The following TMC1 variants were observed in gnomAD, a reference collection of about 807,000 sequenced individuals.
TMC1 encodes the protein transmembrane channel-like protein 1.
TMC1 carries 84 observed loss-of-function variants against 105.8 expected under a neutral mutation model. That is an observed-to-expected ratio of 0.79 (90% confidence interval 0.67 to 0.95). The LOEUF (loss-of-function observed/expected upper bound fraction) is 0.95, where lower values mean the gene tolerates loss of function less well. Among genes scored for constraint, TMC1 ranks in the 40% least tolerant of loss-of-function variants. The pLI is 0.00. For missense variants in TMC1, 817 were observed against 914.1 expected, an observed-to-expected ratio of 0.89 and a Z score of 1.37; for synonymous variants, 315 against 311.5, an observed-to-expected ratio of 1.01 and a Z score of -0.12.
At chr9:72,611,719 A>G (rs1825027628) in intron 2 of TMC1, among the ~76,000 whole-genome samples, 1 of 152,146 alleles carries the variant, frequency 6.6e-6, no homozygotes, top group Admixed American at 6.5e-5. Flanking sequence ...TTGTTTTTAG[A>G]AAGGATACAA....
At chr9:72,738,698 A>G (rs1827340359) in intron 8 of TMC1, among the ~76,000 whole-genome samples, 1 of 152,102 alleles carries the variant, frequency 6.6e-6, no homozygotes, top group South Asian at 2.1e-4. Context: ...GATTACAGGT[A>G]TGAGCCACTG....
intron 4 of TMC1, among the ~76,000 whole-genome samples, chr9:72,640,490 G>GT (rs772882956): frequency 6.6e-6 from 1 of 152,130 alleles, no homozygotes; most frequent in Non-Finnish European, 1.5e-5. Flanking sequence ...GATAGGTATA[G>GT]TTATTCCAGT....
chr9:72,536,629 G>A (rs528521671), intron 1 of TMC1, among the ~76,000 whole-genome samples: 2 of 152,266 alleles, frequency 1.3e-5, no homozygotes, highest in African/African-American at 4.8e-5. Flanking sequence ...ACCGCGCCTG[G>A]CCAGACATTA....
chr9:72,748,682 C>T (rs567820584), intron 10 of TMC1, among the ~76,000 whole-genome samples: 11 of 152,194 alleles, frequency 7.2e-5, no homozygotes, highest in Middle Eastern at 3.4e-3. Context: ...TAGGATAGAA[C>T]CACTAGATAA....
intron 5 of TMC1, among the ~76,000 whole-genome samples, chr9:72,657,191 C>T (rs1343698986): frequency 6.6e-6 from 1 of 152,214 alleles, no homozygotes; most frequent in African/African-American, 2.4e-5. Context: ...ACTATGTCTC[C>T]TCAACTCAGT....
chr9:72,723,335 T>C (rs913199686), intron 8 of TMC1, among the ~76,000 whole-genome samples: 1 of 152,226 alleles, frequency 6.6e-6, no homozygotes, highest in Non-Finnish European at 1.5e-5. Flanking sequence ...AATTTTATCA[T>C]AAAGTGGAAC....
chr9:72,697,930 T>C (rs535715145), intron 7 of TMC1, among the ~76,000 whole-genome samples: 3 of 152,150 alleles, frequency 2.0e-5, no homozygotes, highest in Non-Finnish European at 4.4e-5. Context: ...CTGCTATCTA[T>C]GTAATTTAAA....
chr9:72,636,114 C>G (rs1029954384), intron 4 of TMC1, among the ~76,000 whole-genome samples: 3 of 152,142 alleles, frequency 2.0e-5, no homozygotes, highest in Non-Finnish European at 4.4e-5. Flanking sequence ...CAAACTTCTA[C>G]CCGGGTGGGT....
chr9:72,697,629 C>T (rs1588037014), intron 7 of TMC1, among the ~76,000 whole-genome samples: 1 of 152,054 alleles, frequency 6.6e-6, no homozygotes, highest in East Asian at 1.9e-4. Flanking sequence ...GGTTTAGTTA[C>T]CTGGCAAATC....
At chr9:72,558,374 G>C (rs773888713) in intron 1 of TMC1, among the ~76,000 whole-genome samples, 2 of 152,164 alleles carry the variant, frequency 1.3e-5, no homozygotes, top group Non-Finnish European at 2.9e-5. Context: ...GCTAAGCATA[G>C]AGTAATGAGT....
At chr9:72,695,741 C>T (rs1038716699) in intron 7 of TMC1, among the ~76,000 whole-genome samples, 2 of 152,058 alleles carry the variant, frequency 1.3e-5, no homozygotes, top group Non-Finnish European at 2.9e-5. Context: ...TTAGCATTAA[C>T]AAAAAATGGT....
intron 10 of TMC1, among the ~76,000 whole-genome samples, chr9:72,744,970 CTTCTT>C (rs1827465426): frequency 6.6e-6 from 1 of 152,140 alleles, no homozygotes. Context: ...TATCTCCTCT[CTTCTT>C]CTCTTCTTCT....
chr9:72,781,934 A>G (rs1828100083), intron 13 of TMC1, among the ~76,000 whole-genome samples: 2 of 152,220 alleles, frequency 1.3e-5, no homozygotes. Context: ...AAACTTGAGG[A>G]GGAGGGATGC....
chr9:72,772,623 G>A lies in TMC1; in HGVS notation c.884+68G>A, dbSNP rs1198245960. ...GAATCAAATGGAGGGATTAATTTGG[G>A]GATTGGATATAATTTTGTTGCTATT... On this transcript the variant is annotated intron_variant, in intron 13 of 23. Coordinates refer to ENST00000297784, the MANE Select transcript of TMC1 (RefSeq NM_138691.3). 5.6e-6 allele frequency: 9 copies of A among 1,596,380 alleles called. No individual in the cohort carries two copies. The African/African-American group carries it at 1.1e-4, about 19-fold the overall frequency.
chr9:72,641,810 CTT>C (rs896125209), intron 4 of TMC1, among the ~76,000 whole-genome samples: 9 of 86,988 alleles, frequency 1.0e-4, no homozygotes, highest in African/African-American at 2.8e-4. Flanking sequence ...AGTCCCAAAT[CTT>C]TTTTTTTTTT....
At chr9:72,623,604 G>A (rs1825294504) in intron 3 of TMC1, among the ~76,000 whole-genome samples, 1 of 152,112 alleles carries the variant, frequency 6.6e-6, no homozygotes, top group Non-Finnish European at 1.5e-5. Flanking sequence ...GTTCTAATGA[G>A]CAGGTTCGAT....
At chr9:72,601,481 T>TA (rs1229669608) in intron 2 of TMC1, among the ~76,000 whole-genome samples, 1 of 151,980 alleles carries the variant, frequency 6.6e-6, no homozygotes, top group Non-Finnish European at 1.5e-5. Context: ...CCGTCTCTAC[T>TA]AAAAACACAA....
chr9:72,712,165 A>G lies in TMC1; in HGVS notation c.362+11522A>G, dbSNP rs116898395. Among the ~76,000 whole-genome samples, 1,478 of 152,254 alleles carry G rather than the reference A, an allele frequency of 9.7e-3. 17 individuals are homozygous for G. The highest frequency in any genetic ancestry group is 0.044 in the Middle Eastern group (13 of 294). ...GTACCAGTACCATGCTGTTTTTGCT[A>G]CTGTAGCCTTGTAGTATAAGTTTGA... On this transcript the variant is annotated intron_variant, in intron 8 of 23. Coordinates refer to ENST00000297784, the MANE Select transcript of TMC1 (RefSeq NM_138691.3).
At chr9:72,532,340 A>G (rs1823510518) in intron 1 of TMC1, among the ~76,000 whole-genome samples, 1 of 151,918 alleles carries the variant, frequency 6.6e-6, no homozygotes, top group East Asian at 2.0e-4. Flanking sequence ...CAGGAGTTCG[A>G]GACCAGCCTG....
Sources: allele counts gnomAD v4.1 joint callset (sites outside exome capture counted in the v4.1 genomes callset), GRCh38; gene constraint gnomAD v4.1.1; transcripts MANE v1.5; gene names NCBI Gene and HGNC (gene_info 2026-07-23, HGNC 2026-07-21).